RNF43: variants seen among roughly 807,000 people sequenced by gnomAD.
The protein encoded by RNF43 is E3 ubiquitin-protein ligase RNF43.
In RNF43, 37 loss-of-function variants were observed where a neutral mutation model predicts 78.4. That is an observed-to-expected ratio of 0.47 (90% confidence interval 0.36 to 0.62). The LOEUF is 0.62. Among genes scored for constraint, RNF43 ranks in the 20% least tolerant of loss-of-function variants. RNF43 has a pLI of 0.00. For missense variants in RNF43, 774 were observed against 1,007.9 expected, an observed-to-expected ratio of 0.77 and a Z score of 3.14; for synonymous variants, 347 against 395.0, an observed-to-expected ratio of 0.88 and a Z score of 1.44.
intron 2 of RNF43, among the ~76,000 whole-genome samples, chr17:58,384,181 AC>A (rs2143574198): frequency 1.3e-5 from 2 of 152,384 alleles, no homozygotes; most frequent in South Asian, 4.1e-4. Context: ...AGTAAGAGAC[AC>A]AAAAAGATAA....
chr17:58,384,721 G>A (rs1230577501), intron 2 of RNF43, among the ~76,000 whole-genome samples: 13 of 152,272 alleles, frequency 8.5e-5, no homozygotes, highest in Non-Finnish European at 1.3e-4. Flanking sequence ...GAAGCACAGA[G>A]TAAAAGGGCA....
At chr17:58,392,139 T>C (rs1973573603) in intron 2 of RNF43, among the ~76,000 whole-genome samples, 1 of 152,210 alleles carries the variant, frequency 6.6e-6, no homozygotes, top group East Asian at 1.9e-4. Flanking sequence ...CCACGGGATA[T>C]GCACACAATT....
At chr17:58,356,237 G>A (rs1047021919) in intron 9 of RNF43, among the ~76,000 whole-genome samples, 1 of 152,174 alleles carries the variant, frequency 6.6e-6, no homozygotes, top group African/African-American at 2.4e-5. Flanking sequence ...AAAAAGGAAG[G>A]AAGGAGAAAG....
At chr17:58,403,479 G>A (rs1437050809) in intron 2 of RNF43, among the ~76,000 whole-genome samples, 1 of 152,226 alleles carries the variant, frequency 6.6e-6, no homozygotes, top group Non-Finnish European at 1.5e-5. Flanking sequence ...CCTGGGGAAA[G>A]AATCTGATTC....
intron 2 of RNF43, among the ~76,000 whole-genome samples, chr17:58,404,509 A>G (rs924295371): frequency 1.3e-5 from 2 of 152,218 alleles, no homozygotes; most frequent in South Asian, 2.1e-4. Flanking sequence ...TAAATGTTTA[A>G]TGTATGTCAT....
intron 2 of RNF43, among the ~76,000 whole-genome samples, chr17:58,406,314 A>G (rs1370176792): frequency 2.0e-5 from 3 of 152,232 alleles, no homozygotes; most frequent in Non-Finnish European, 4.4e-5. Context: ...TAAATAAACT[A>G]TGCTAAAAAT....
chr17:58,393,686 T>G (rs1191582644), intron 2 of RNF43, among the ~76,000 whole-genome samples: 1 of 152,212 alleles, frequency 6.6e-6, no homozygotes, highest in Non-Finnish European at 1.5e-5. Flanking sequence ...ATTTAATGTT[T>G]GCGCTTCATT....
At chr17:58,361,017 T>C (rs1490237296) in intron 6 of RNF43, 73 bp from the exon 7 acceptor site, 2 of 1,429,800 alleles carry the variant, frequency 1.4e-6, no homozygotes, top group East Asian at 2.5e-5. Flanking sequence ...AAGCTTGGAC[T>C]CCGTTCCCAG....
intron 2 of RNF43, among the ~76,000 whole-genome samples, chr17:58,383,112 C>G (rs1022889709): frequency 6.7e-6 from 1 of 148,768 alleles, no homozygotes; most frequent in Non-Finnish European, 1.5e-5. Context: ...AGGACTTGGC[C>G]CAGAGATCTG....
chr17:58,403,050 T>C (rs898860156), intron 2 of RNF43, among the ~76,000 whole-genome samples: 1 of 152,110 alleles, frequency 6.6e-6, no homozygotes, highest in Non-Finnish European at 1.5e-5. Flanking sequence ...TGTTTGATGT[T>C]TCCAAACACC....
At chr17:58,382,554 CACAACCCTGA>C (rs1197654712) in intron 2 of RNF43, among the ~76,000 whole-genome samples, 24 of 152,160 alleles carry the variant, frequency 1.6e-4, no homozygotes, top group Admixed American at 1.5e-3. Context: ...AGATCTCCTC[CACAACCCTGA>C]ACAAAACTCA....
At chr17:58,385,801 T>C (rs1042427173) in intron 2 of RNF43, among the ~76,000 whole-genome samples, 1 of 152,200 alleles carries the variant, frequency 6.6e-6, no homozygotes, top group Non-Finnish European at 1.5e-5. Context: ...ACCTAATCTC[T>C]CTAAGTCTCG....
At chr17:58,412,046 T>C (rs1974033778) in intron 2 of RNF43, among the ~76,000 whole-genome samples, 1 of 152,168 alleles carries the variant, frequency 6.6e-6, no homozygotes, top group Admixed American at 6.5e-5. Flanking sequence ...ATCTGAAAAG[T>C]TTCCTTGACC....
intron 2 of RNF43, among the ~76,000 whole-genome samples, chr17:58,405,804 G>A (rs1043016183): frequency 1.3e-5 from 2 of 152,152 alleles, no homozygotes; most frequent in African/African-American, 4.8e-5. Flanking sequence ...ATGCATTTAT[G>A]CCTACACCTA....
intron 2 of RNF43, among the ~76,000 whole-genome samples, chr17:58,374,641 T>G (rs1345354462): frequency 6.6e-6 from 1 of 152,160 alleles, no homozygotes; most frequent in East Asian, 1.9e-4. Flanking sequence ...TCTGCCTGCC[T>G]CGGCCTCCTA....
Position 58,357,719 on chromosome 17 carries a change from G to C in RNF43, c.2057C>G (p.Pro686Arg), listed in dbSNP as rs9652855. ...TGGGGACCAAGGATATGCCACACTG[G>C]GGGTGTAATGGGGAAAAATCTGGCA... ...PACQIFPHYT[P>R]SVAYPWSPEA... The change falls in exon 9 of 10, where the codon CCC (proline) becomes CGC (arginine). Residue 686 changes from proline to arginine, a missense_variant. Transcript: ENST00000407977. This position sits in a 1 kb window ranked among gnomAD's most constrained non-coding sequence, Gnocchi z 4.5. 183,759 of 1,611,466 alleles carry C rather than the reference G, an allele frequency of 0.11. 11,173 individuals are homozygous for C. Among genetic ancestry groups the C allele is most frequent in the Middle Eastern group, 0.15 (922 of 6,044 alleles).
In RNF43 at chr17:58,415,765, T is replaced by C. The variant is rs1029874120; in HGVS notation, c.-188A>G. On this transcript the variant is annotated 5_prime_UTR_variant, in exon 2 of 10. Transcript: ENST00000407977. ...CCCAAAAACAGGTAGCATTCCTGAT[T>C]GGGCAGAGAAGAGGATATTTTCAGC... The C allele has an allele frequency of 2.3e-5, 15 of 639,204 alleles. No homozygotes were observed. Among genetic ancestry groups the C allele is most frequent in the Non-Finnish European group, 3.5e-5 (13 of 373,310 alleles). 39.6% of individuals were successfully genotyped at this position (639,204 alleles called of 1,614,324 possible).
At chr17:58,374,235 T>G (rs1973157519) in intron 2 of RNF43, among the ~76,000 whole-genome samples, 1 of 152,080 alleles carries the variant, frequency 6.6e-6, no homozygotes, top group Admixed American at 6.5e-5. Flanking sequence ...AAAAAAATAT[T>G]TAAGAACAAT....
chr17:58,407,997 A>G (rs1476596), intron 2 of RNF43, among the ~76,000 whole-genome samples: 53,130 of 152,098 alleles, frequency 0.35, 9,978 homozygotes, highest in East Asian at 0.51. Context: ...TTTACTACAC[A>G]TAAGAAGATC....
Sources: gnomAD v4.1 joint callset for allele counts (sites outside exome capture counted in the v4.1 genomes callset) on GRCh38, gnomAD v4.1.1 for gene constraint, Gnocchi (gnomAD v3.1) non-coding constraint, MANE v1.5 for transcripts, NCBI Gene and HGNC (gene_info 2026-07-23, HGNC 2026-07-21) for gene names.